The following DNAJC8 variants were observed in gnomAD, a reference collection of about 807,000 sequenced individuals.
The protein encoded by DNAJC8 is DnaJ heat shock protein family (Hsp40) member C8.
Under a neutral mutation model 43.2 loss-of-function variants are expected in DNAJC8, and 24 were observed. The ratio of observed to expected loss-of-function variants is 0.56; its 90% CI spans 0.40 to 0.78. The LOEUF is 0.78. Among genes scored for constraint, DNAJC8 ranks in the 30% least tolerant of loss-of-function variants. The probability of loss-of-function intolerance (pLI) is 0.00; values close to 1 mark genes in which losing one functional copy is unlikely to be tolerated. For synonymous variants in DNAJC8, 83 were observed against 98.0 expected, an observed-to-expected ratio of 0.85 and a Z score of 0.90; for missense variants, 207 against 299.4, an observed-to-expected ratio of 0.69 and a Z score of 2.28.
At chr1:28,218,148 T>C (rs7550531) in intron 2 of DNAJC8, among the ~76,000 whole-genome samples, 1 of 147,338 alleles carries the variant, frequency 6.8e-6, no homozygotes, top group African/African-American at 2.6e-5. Flanking sequence ...CAGGCTAGAG[T>C]GCAATGGTGT....
chr1:28,212,416 A>G (rs1646821384), intron 3 of DNAJC8, among the ~76,000 whole-genome samples: 1 of 149,596 alleles, frequency 6.7e-6, no homozygotes, highest in Non-Finnish European at 1.5e-5. Context: ...CTGGGACTAC[A>G]GGCACGGCTA....
At chr1:28,201,614 C>A (rs943300161) in intron 8 of DNAJC8, among the ~76,000 whole-genome samples, 2 of 151,912 alleles carry the variant, frequency 1.3e-5, no homozygotes, top group African/African-American at 4.8e-5. Context: ...CATGGTGAAA[C>A]CCTGTGTCTA....
rs764978107 is a variant in DNAJC8, at chr1:28,205,257, C to A, written c.563+1G>T. On this transcript the variant is annotated splice_donor_variant, in intron 7 of 8. Coordinates refer to ENST00000263697, the MANE Select transcript of DNAJC8 (RefSeq NM_014280.3). LOFTEE classifies it high-confidence loss of function. The stretch of plus-strand genomic sequence containing the variant: ...GTTTAAATGAATATACTGATATGTA[C>A]CTTTCATGCATCTCTTTGGCTTCTC... 1 of 1,606,442 alleles carries A rather than the reference C, an allele frequency of 6.2e-7. No homozygotes were observed. The highest frequency in any genetic ancestry group is 8.5e-7 in the Non-Finnish European group (1 of 1,174,944).
In DNAJC8 at chr1:28,205,248, T is replaced by C. The variant is rs1646760774; in HGVS notation, c.563+10A>G. 6.3e-7 allele frequency: 1 copy of C among 1,591,712 alleles called. No individual in the cohort carries two copies. The highest frequency in any genetic ancestry group is 8.6e-7 in the Non-Finnish European group (1 of 1,165,748). On this transcript the variant is annotated intron_variant, in intron 7 of 8. Transcript: ENST00000263697. ...TTAAATATGGTTTAAATGAATATAC[T>C]GATATGTACCTTTCATGCATCTCTT...
At chr1:28,212,568 C>T (rs1452977802) in intron 3 of DNAJC8, among the ~76,000 whole-genome samples, 4 of 151,776 alleles carry the variant, frequency 2.6e-5, no homozygotes, top group Non-Finnish European at 5.9e-5. Context: ...AGGCATGAGC[C>T]ACTATGCTTG....
At chr1:28,212,441 C>A (rs114542103) in intron 3 of DNAJC8, among the ~76,000 whole-genome samples, 2 of 150,090 alleles carry the variant, frequency 1.3e-5, no homozygotes, top group African/African-American at 2.4e-5. Flanking sequence ...TTGGCTTTTG[C>A]TGTTGTTGTT....
intron 2 of DNAJC8, among the ~76,000 whole-genome samples, chr1:28,220,397 C>T (rs1163776194): frequency 6.6e-6 from 1 of 152,200 alleles, no homozygotes; most frequent in East Asian, 1.9e-4. Context: ...ACTGTGCTCA[C>T]TACTTTTCTT....
intron 7 of DNAJC8, among the ~76,000 whole-genome samples, chr1:28,204,573 T>A (rs1646756892): frequency 6.6e-6 from 1 of 152,106 alleles, no homozygotes. Flanking sequence ...TTTAGAACAT[T>A]AAACATTTTG....
chr1:28,206,261 A>G (rs1646767782), intron 6 of DNAJC8, among the ~76,000 whole-genome samples: 1 of 151,900 alleles, frequency 6.6e-6, no homozygotes, highest in African/African-American at 2.4e-5. Flanking sequence ...ATTTATTATT[A>G]TTGTTTTTGA....
chr1:28,224,055 G>C (rs927433895), intron 2 of DNAJC8, among the ~76,000 whole-genome samples: 72 of 152,150 alleles, frequency 4.7e-4, no homozygotes, highest in African/African-American at 1.7e-3. Context: ...ACAGGAGCTA[G>C]ATTGAAAGGT....
At chr1:28,211,159 AG>A (rs1317655634) in intron 3 of DNAJC8, among the ~76,000 whole-genome samples, 4 of 132,078 alleles carry the variant, frequency 3.0e-5, no homozygotes, top group African/African-American at 1.2e-4. Context: ...CCCTGTCTCC[AG>A]GAAAAAACAA....
intron 1 of DNAJC8, among the ~76,000 whole-genome samples, chr1:28,232,321 G>A (rs1646981820): frequency 6.6e-6 from 1 of 152,086 alleles, no homozygotes; most frequent in African/African-American, 2.4e-5. Flanking sequence ...TATTTACTGA[G>A]CATCCACTAC....
intron 2 of DNAJC8, among the ~76,000 whole-genome samples, chr1:28,227,441 C>T (rs1572071351): frequency 6.8e-6 from 1 of 147,680 alleles, no homozygotes; most frequent in South Asian, 2.1e-4. Flanking sequence ...TAAAACAGCA[C>T]TGAGGCTGGA....
intron 2 of DNAJC8, among the ~76,000 whole-genome samples, chr1:28,224,665 A>G (rs1196292083): frequency 6.6e-6 from 1 of 152,050 alleles, no homozygotes; most frequent in Admixed American, 6.5e-5. Flanking sequence ...AGGGCGGATC[A>G]TGAGGTCAGG....
At position 28,200,354 on chromosome 1, in the gene DNAJC8, T is replaced by C; in HGVS notation, c.*894A>G. 1 of 381,530 alleles carries C rather than the reference T, an allele frequency of 2.6e-6. No homozygotes were observed. Among genetic ancestry groups the C allele is most frequent in the South Asian group, 1.9e-5 (1 of 51,486 alleles). The allele number at this position is 381,530 out of a possible 1,614,324, so 23.6% of individuals were successfully genotyped here. A position where few individuals can be genotyped will look rare whatever the true frequency, so the allele number is the denominator to read the frequency against. On this transcript the variant is annotated 3_prime_UTR_variant, in exon 9 of 9. Transcript: ENST00000263697. ...CACAGAAATAATAGGATATTGGCAATACCCAAGGAGCACTATGGTAGTTAC... is the reference window on the plus strand; with the variant it reads ...CACAGAAATAATAGGATATTGGCAACACCCAAGGAGCACTATGGTAGTTAC...
rs1384372593 is a variant in DNAJC8 at position 28,205,318 on chromosome 1, T to C, written c.503A>G (p.Lys168Arg). Reference sequence around the variant, plus strand: ...TTTAATTTCCAGCTCTGCAAAGAGTTTCATTGTCTGTTTATATACAGCTTG... The same window carrying C: ...TTTAATTTCCAGCTCTGCAAAGAGTCTCATTGTCTGTTTATATACAGCTTG... ...FKQAVYKQTM[K>R]LFAELEIKRK... The change falls in exon 7 of 9, where the codon AAA (lysine) becomes AGA (arginine). Residue 168 changes from lysine to arginine, a missense_variant. Transcript: ENST00000263697. 6.2e-7 allele frequency: 1 copy of C among 1,613,554 alleles called. No homozygotes were observed. Among genetic ancestry groups the C allele is most frequent in the East Asian group, 2.2e-5 (1 of 44,852 alleles).
At chr1:28,217,489 G>T (rs549114504) in intron 2 of DNAJC8, among the ~76,000 whole-genome samples, 1 of 151,994 alleles carries the variant, frequency 6.6e-6, no homozygotes, top group Non-Finnish European at 1.5e-5. Context: ...GCATGGTGGC[G>T]CATGAAAATG....
intron 3 of DNAJC8, among the ~76,000 whole-genome samples, chr1:28,212,514 T>A (rs1646822204): frequency 6.6e-6 from 1 of 151,606 alleles, no homozygotes; most frequent in Non-Finnish European, 1.5e-5. Context: ...ACTCCTGAGC[T>A]CAAGCAATCT....
chr1:28,224,308 CCCAGG>C (rs750916669), intron 2 of DNAJC8, among the ~76,000 whole-genome samples: 17 of 152,134 alleles, frequency 1.1e-4, no homozygotes, highest in Non-Finnish European at 2.5e-4. Flanking sequence ...CACTCTGTCG[CCCAGG>C]CTGGAGTGCA....
Sources: allele counts gnomAD v4.1 joint callset (sites outside exome capture counted in the v4.1 genomes callset), GRCh38; gene constraint gnomAD v4.1.1; transcripts MANE v1.5; gene names NCBI Gene and HGNC (gene_info 2026-07-23, HGNC 2026-07-21).